The following IQCJ variants were observed in gnomAD, a reference collection of about 807,000 sequenced individuals.
The protein encoded by IQCJ is IQ motif containing J.
Under a neutral mutation model 11.0 loss-of-function variants are expected in IQCJ, and 9 were observed. The ratio of observed to expected loss-of-function variants is 0.82; its 90% CI spans 0.49 to 1.43. The LOEUF (loss-of-function observed/expected upper bound fraction) is 1.43, where lower values mean the gene tolerates loss of function less well. Among genes scored for constraint, IQCJ ranks in the 40% most tolerant of loss-of-function variants. The probability of loss-of-function intolerance (pLI) is 0.00; values close to 1 mark genes in which losing one functional copy is unlikely to be tolerated. For synonymous variants in IQCJ, 55 were observed against 51.3 expected (o/e 1.07, Z -0.31); for missense variants, 146 against 133.2 (o/e 1.10, Z -0.47).
chr3:159,174,845 T>C (rs1178668214), intron 1 of IQCJ, among the ~76,000 whole-genome samples: 1 of 152,198 alleles, frequency 6.6e-6, no homozygotes, highest in African/African-American at 2.4e-5. Flanking sequence ...GCATATGTCA[T>C]ACATTCTTGT....
intron 1 of IQCJ, among the ~76,000 whole-genome samples, chr3:159,145,707 C>CA (rs1341050701): frequency 6.6e-6 from 1 of 151,888 alleles, no homozygotes. Context: ...TTCTTCCATT[C>CA]AAAAAATACT....
intron 1 of IQCJ, among the ~76,000 whole-genome samples, chr3:159,227,680 G>A (rs962588389): frequency 1.3e-5 from 2 of 152,116 alleles, no homozygotes; most frequent in African/African-American, 4.8e-5. Context: ...TAATTCTGGC[G>A]GGAACATTCC....
intron 3 of IQCJ, among the ~76,000 whole-genome samples, 194 bp from the exon 4 acceptor site, chr3:159,262,354 A>G (rs578176651): frequency 6.6e-6 from 1 of 152,332 alleles, no homozygotes; most frequent in East Asian, 1.9e-4. Flanking sequence ...CCAGTAAGGT[A>G]GGGAGACAGT....
intron 1 of IQCJ, among the ~76,000 whole-genome samples, chr3:159,170,791 A>G (rs1011721417): frequency 1.3e-5 from 2 of 152,204 alleles, no homozygotes; most frequent in African/African-American, 2.4e-5. Flanking sequence ...CATGGTGGCA[A>G]ACAGCCCTAA....
At chr3:159,265,383 G>C, downstream of IQCJ, 1 of 1,613,070 alleles carries the variant, frequency 6.2e-7, no homozygotes, top group Non-Finnish European at 8.5e-7. Context: ...AGAAAGACTT[G>C]GTTTTCTCAC....
chr3:159,118,854 T>G (rs942013079), intron 1 of IQCJ, among the ~76,000 whole-genome samples: 1 of 152,152 alleles, frequency 6.6e-6, no homozygotes, highest in Non-Finnish European at 1.5e-5. Flanking sequence ...TGAAGGAAGG[T>G]TCGCTCATAG....
chr3:159,073,357 G>A (rs1334162390), intron 1 of IQCJ, among the ~76,000 whole-genome samples: 3 of 152,076 alleles, frequency 2.0e-5, no homozygotes, highest in East Asian at 3.9e-4. Flanking sequence ...CTGCCAAGGT[G>A]ATATCTCTAC....
At chr3:159,072,445 G>A (rs929940694) in intron 1 of IQCJ, among the ~76,000 whole-genome samples, 10 of 152,008 alleles carry the variant, frequency 6.6e-5, no homozygotes, top group Non-Finnish European at 1.0e-4. Context: ...ATTGTATGGA[G>A]AGAGGAGCCG....
intron 1 of IQCJ, among the ~76,000 whole-genome samples, chr3:159,094,413 C>T (rs1021796956): frequency 2.5e-5 from 3 of 122,148 alleles, no homozygotes; most frequent in Non-Finnish European, 3.4e-5. Context: ...GTTTTTTGTA[C>T]AGGATCTGCT....
chr3:159,185,451 T>C (rs4643750), intron 1 of IQCJ, among the ~76,000 whole-genome samples: 7,294 of 152,262 alleles, frequency 0.048, 576 homozygotes, highest in African/African-American at 0.17. Context: ...TCCACTATAT[T>C]CATCAAAGCT....
intron 1 of IQCJ, among the ~76,000 whole-genome samples, chr3:159,088,290 G>T (rs1188597365): frequency 6.6e-6 from 1 of 152,010 alleles, no homozygotes; most frequent in Non-Finnish European, 1.5e-5. Flanking sequence ...GAGACAGTTT[G>T]TTATAATTTC....
chr3:159,229,051 A>C (rs1439906729), intron 1 of IQCJ, among the ~76,000 whole-genome samples: 1 of 152,230 alleles, frequency 6.6e-6, no homozygotes. Context: ...GCCTCATCAC[A>C]TGACAAAGCA....
intron 1 of IQCJ, among the ~76,000 whole-genome samples, chr3:159,186,557 C>T (rs191006699): frequency 3.9e-5 from 6 of 152,246 alleles, no homozygotes; most frequent in Admixed American, 1.3e-4. Flanking sequence ...CCCAGTCAAG[C>T]GCAGGTCAAT....
chr3:159,089,869 C>A (rs1168296657), intron 1 of IQCJ, among the ~76,000 whole-genome samples: 1 of 151,762 alleles, frequency 6.6e-6, no homozygotes, highest in Non-Finnish European at 1.5e-5. Flanking sequence ...GTTTGAGTGT[C>A]CTCCTGTAGC....
chr3:159,162,249 C>G (rs1315321274), intron 1 of IQCJ, among the ~76,000 whole-genome samples: 1 of 152,158 alleles, frequency 6.6e-6, no homozygotes, highest in Non-Finnish European at 1.5e-5. Flanking sequence ...TCCTTCACAT[C>G]CCTTGTAAGC....
chr3:159,072,358 GA>G (rs1358711427), intron 1 of IQCJ, among the ~76,000 whole-genome samples: 1 of 151,960 alleles, frequency 6.6e-6, no homozygotes, highest in Non-Finnish European at 1.5e-5. Flanking sequence ...TGATAAAAAG[GA>G]GAGTAATAGG....
chr3:159,166,948 A>T (rs1560010907), intron 1 of IQCJ, among the ~76,000 whole-genome samples: 1 of 152,222 alleles, frequency 6.6e-6, no homozygotes, highest in Non-Finnish European at 1.5e-5. Flanking sequence ...TACTAGGGAT[A>T]TTGGAAACTT....
chr3:159,119,751 C>T (rs1719244349), intron 1 of IQCJ, among the ~76,000 whole-genome samples: 3 of 152,102 alleles, frequency 2.0e-5, no homozygotes, highest in Admixed American at 2.0e-4. Context: ...AAATCTCATG[C>T]AGAACTTCAA....
chr3:159,103,060 T>C lies in IQCJ; in HGVS notation c.9+33619T>C, dbSNP rs114921871. On this transcript the variant is annotated intron_variant, in intron 1 of 3. Coordinates refer to ENST00000397832, the MANE Select transcript of IQCJ (RefSeq NM_001042706.3). ...ACACTAGCCTCTAGCACTAGGCTTT[T>C]CATTTATTTCTACATAGGTCTGTCT... Among the ~76,000 whole-genome samples the C allele has an allele frequency of 5.8e-3, 891 of 152,338 alleles. 3 individuals are homozygous for C. Among genetic ancestry groups the C allele is most frequent in the African/African-American group, 0.02 (847 of 41,576 alleles).
Sources: gnomAD v4.1 joint callset for allele counts (sites outside exome capture counted in the v4.1 genomes callset) on GRCh38, gnomAD v4.1.1 for gene constraint, MANE v1.5 for transcripts, NCBI Gene and HGNC (gene_info 2026-07-23, HGNC 2026-07-21) for gene names.